Variants in LRRK1 observed in about 807,000 individuals in gnomAD.
LRRK1 encodes leucine-rich repeat serine/threonine-protein kinase 1.
In LRRK1, 113 loss-of-function variants were observed where a neutral mutation model predicts 209.1. The ratio of observed to expected loss-of-function variants is 0.54; its 90% CI spans 0.46 to 0.63. LRRK1 has a LOEUF of 0.63. LRRK1 is among the 30% of genes least tolerant of loss of function. The pLI, the probability that LRRK1 is intolerant of heterozygous loss-of-function variation, is 0.00. For missense variants in LRRK1, 2,284 were observed against 2,632.2 expected, an observed-to-expected ratio of 0.87 and a Z score of 2.89; for synonymous variants, 1,144 against 1,099.7, an observed-to-expected ratio of 1.04 and a Z score of -0.80.
chr15:101,034,782 G>T (rs2034430239), intron 20 of LRRK1, among the ~76,000 whole-genome samples: 1 of 151,632 alleles, frequency 6.6e-6, no homozygotes, highest in Middle Eastern at 3.4e-3. Context: ...TTATTGATCT[G>T]TTCAGGTTTA....
chr15:101,053,045 C>A lies in LRRK1; in HGVS notation c.3813C>A (p.Arg1271=), dbSNP rs760251986. 6.2e-7 allele frequency: 1 copy of A among 1,612,428 alleles called. No homozygotes were observed. Among genetic ancestry groups the A allele is most frequent in the African/African-American group, 1.3e-5 (1 of 75,046 alleles). ...RYQGQPVAVK[R]FHIKKFKNFA... ...AGGGCCAGCCTGTGGCCGTCAAGCG[C>A]TTCCACATCAAAAAATTCAAGAACT... Residue 1271 remains arginine, a synonymous_variant, in exon 25 of 34, where the codon CGC becomes CGA. Transcript: ENST00000388948.
chr15:101,045,379 A>G (rs1472290151), intron 20 of LRRK1, among the ~76,000 whole-genome samples: 1 of 152,216 alleles, frequency 6.6e-6, no homozygotes, highest in African/African-American at 2.4e-5. Flanking sequence ...CCCAGGTTTC[A>G]GCCGTGAAGC....
At chr15:100,941,464 C>A (rs1172753501) in intron 2 of LRRK1, among the ~76,000 whole-genome samples, 5 of 88,828 alleles carry the variant, frequency 5.6e-5, no homozygotes, top group African/African-American at 2.0e-4. Context: ...GTCTATGTCT[C>A]TGTGTGTGTG....
intron 2 of LRRK1, among the ~76,000 whole-genome samples, chr15:100,972,025 C>A (rs1161062098): frequency 6.6e-6 from 1 of 151,144 alleles, no homozygotes; most frequent in Non-Finnish European, 1.5e-5. Context: ...TGCAGTGGTG[C>A]GATCTCAGCT....
chr15:101,031,711 G>A (rs908938283), intron 20 of LRRK1, among the ~76,000 whole-genome samples: 2 of 151,684 alleles, frequency 1.3e-5, no homozygotes, highest in Non-Finnish European at 2.9e-5. Flanking sequence ...TCCTCCAAGA[G>A]ACTGTACACT....
rs181013306 is a variant in LRRK1 at position 100,930,288 on chromosome 15, G to A, written c.97+5559G>A. On this transcript the variant is annotated intron_variant, in intron 2 of 33. Coordinates refer to ENST00000388948, the MANE Select transcript of LRRK1 (RefSeq NM_024652.6). ...GAGTAAGCCATCCCACGGACAGGCC[G>A]CCGGCAACTTTACACGTTCCGCTTG... 1.3e-3 allele frequency among the ~76,000 whole-genome samples: 194 copies of A among 152,306 alleles called. No individual in the cohort carries two copies. In the Middle Eastern group the frequency reaches 0.017, roughly 13 times the overall value.
At chr15:100,959,670 C>T (rs777776865) in intron 2 of LRRK1, among the ~76,000 whole-genome samples, 6 of 152,274 alleles carry the variant, frequency 3.9e-5, no homozygotes, top group Middle Eastern at 3.4e-3. Flanking sequence ...GTGTGCTCAC[C>T]GCTTCTCTTT....
chr15:101,044,405 G>A (rs990801718), intron 20 of LRRK1, among the ~76,000 whole-genome samples: 8 of 152,208 alleles, frequency 5.3e-5, no homozygotes, highest in Non-Finnish European at 8.8e-5. Context: ...ACTGCTTTAC[G>A]TTCATCAAAC....
At position 101,010,714 on chromosome 15, in the gene LRRK1, T is replaced by C. The variant is rs1283778370; in HGVS notation, c.1158T>C (p.Asp386=). ...WIGLRKLQEL[D]ISDNKLTELP... Reference sequence around the variant, plus strand: ...GTTTACGGAAGCTACAGGAACTTGATATATCTGACAATAAATTGACAGAAC... The same window carrying C: ...GTTTACGGAAGCTACAGGAACTTGACATATCTGACAATAAATTGACAGAAC... Residue 386 remains aspartate, a synonymous_variant, in exon 9 of 34, where the codon GAT becomes GAC. Transcript: ENST00000388948. The C allele has an allele frequency of 1.2e-6, 2 of 1,613,558 alleles. No individual in the cohort carries two copies. The highest frequency in any genetic ancestry group is 1.7e-6 in the Non-Finnish European group (2 of 1,179,856).
At chr15:101,053,455 AC>A (rs914480153) in intron 26 of LRRK1, 35 bp downstream of exon 26, 1 of 1,528,578 alleles carries the variant, frequency 6.5e-7, no homozygotes, top group African/African-American at 1.4e-5. Flanking sequence ...GGCCCCGGAG[AC>A]CGACAGAGCC....
chr15:100,962,217 A>G (rs2141636415), intron 2 of LRRK1, among the ~76,000 whole-genome samples: 1 of 152,338 alleles, frequency 6.6e-6, no homozygotes, highest in East Asian at 1.9e-4. Flanking sequence ...ATTGAAAAAC[A>G]CAGAAAAATA....
At chr15:101,066,802 C>A in intron 33 of LRRK1, 61 bp downstream of exon 33, 2 of 1,320,126 alleles carry the variant, frequency 1.5e-6, no homozygotes, top group Non-Finnish European at 2.2e-6. Flanking sequence ...GAAGGCCCTG[C>A]AGCCAGGTCC....
intron 2 of LRRK1, among the ~76,000 whole-genome samples, chr15:100,931,468 G>C (rs1199287151): frequency 6.6e-6 from 1 of 152,244 alleles, no homozygotes; most frequent in African/African-American, 2.4e-5. Context: ...ATGCAAATTT[G>C]AGGTTAGAAA....
rs1039773020 is a variant in LRRK1 at position 101,073,549 on chromosome 15, C to G, written c.*4701C>G. ...CTTTTCTAGAGGAGGAGCAAGTACT[C>G]CAACCTCATATCTCTGCGCCCCAAT... On this transcript the variant is annotated 3_prime_UTR_variant, in exon 34 of 34. Coordinates refer to ENST00000388948, the MANE Select transcript of LRRK1 (RefSeq NM_024652.6). 1.3e-5 allele frequency: 2 copies of G among 151,926 alleles called. No individual in the cohort carries two copies. Among genetic ancestry groups the G allele is most frequent in the African/African-American group, 4.8e-5 (2 of 41,324 alleles). The allele number at this position is 151,926 out of a possible 1,614,324, so 9.4% of individuals were successfully genotyped here.
At position 101,028,937 on chromosome 15, in the gene LRRK1, C is replaced by T. The variant is rs781418284; in HGVS notation, c.2687-19C>T. 6.2e-7 allele frequency: 1 copy of T among 1,611,776 alleles called. No homozygotes were observed. Among genetic ancestry groups the T allele is most frequent in the Non-Finnish European group, 8.5e-7 (1 of 1,178,860 alleles). On this transcript the variant is annotated intron_variant, in intron 19 of 33. Coordinates refer to ENST00000388948, the MANE Select transcript of LRRK1 (RefSeq NM_024652.6). ...TCCTTTGTCTAACTGCTGCTTCCTC[C>T]TCTCCTTGCCTGGGGCAGCCATCAG...
intron 2 of LRRK1, among the ~76,000 whole-genome samples, chr15:100,971,707 T>C (rs2030896549): frequency 1.3e-5 from 2 of 152,190 alleles, no homozygotes; most frequent in South Asian, 4.1e-4. Context: ...TACTCTGCTA[T>C]CAAACATTGA....
rs1026866306 is a variant in LRRK1, at chr15:100,926,604, G to GT, written c.97+1875_97+1876insT. Among the ~76,000 whole-genome samples the GT allele has an allele frequency of 5.3e-5, 8 of 150,548 alleles. 1 individual carries two copies. The highest frequency in any genetic ancestry group is 7.4e-5 in the Non-Finnish European group (5 of 67,636). On this transcript the variant is annotated intron_variant, in intron 2 of 33. Coordinates refer to ENST00000388948, the MANE Select transcript of LRRK1 (RefSeq NM_024652.6). Reference sequence around the variant, plus strand: ...CTGGAGCAGCATCTTGGGGCAGGGGGGCGGGGAGTGAACAAGCATGGGTAA... The same window carrying GT: ...CTGGAGCAGCATCTTGGGGCAGGGGGTGCGGGGAGTGAACAAGCATGGGTAA...
chr15:100,995,451 G>A (rs569908412), intron 6 of LRRK1, among the ~76,000 whole-genome samples: 5 of 152,310 alleles, frequency 3.3e-5, no homozygotes, highest in African/African-American at 1.2e-4. Context: ...GGTCTGGACT[G>A]CTGGGACACA....
intron 12 of LRRK1, among the ~76,000 whole-genome samples, chr15:101,020,673 C>T (rs1284064345): frequency 6.6e-6 from 1 of 152,154 alleles, no homozygotes; most frequent in Non-Finnish European, 1.5e-5. Flanking sequence ...CAGCCTGGCG[C>T]ACCTTGCCTT....
Sources: allele counts gnomAD v4.1 joint callset (sites outside exome capture counted in the v4.1 genomes callset), GRCh38; gene constraint gnomAD v4.1.1; transcripts MANE v1.5; gene names NCBI Gene and HGNC (gene_info 2026-07-23, HGNC 2026-07-21).